Variants in TIA1 observed in about 807,000 individuals in gnomAD.
The protein encoded by TIA1 is cytotoxic granule associated RNA binding protein TIA1.
In TIA1, 23 loss-of-function variants were observed where a neutral mutation model predicts 65.9. The ratio of observed to expected loss-of-function variants is 0.35; its 90% CI spans 0.25 to 0.49. The LOEUF (loss-of-function observed/expected upper bound fraction) is 0.49, where lower values mean the gene tolerates loss of function less well. Ranked by LOEUF, TIA1 falls within the 20% of genes least tolerant of loss-of-function variation. The pLI is 0.98. For missense variants in TIA1, 371 were observed against 477.9 expected (o/e 0.78, Z 2.09); for synonymous variants, 147 against 149.4 (o/e 0.98, Z 0.12).
At chr2:70,237,376 G>A (rs879533285) in intron 1 of TIA1, among the ~76,000 whole-genome samples, 2 of 152,062 alleles carry the variant, frequency 1.3e-5, no homozygotes, top group Non-Finnish European at 2.9e-5. Context: ...ACTCCAGCCT[G>A]GGCAACAGAG....
At chr2:70,248,757 C>G (rs534194327), upstream of TIA1, 3 of 400,550 alleles carry the variant, frequency 7.5e-6, no homozygotes, top group East Asian at 1.2e-4. Flanking sequence ...CGCAGCCGCT[C>G]TTCCACCCGA....
rs1043835539 is a variant in TIA1 at position 70,210,122 on chromosome 2, C to T, written c.*2597G>A. Reference sequence around the variant, plus strand: ...CTGGAATAAGATTAAAAAAAAAATACCTGAGTGAATATAACAATATGGATA... The same window carrying T: ...CTGGAATAAGATTAAAAAAAAAATATCTGAGTGAATATAACAATATGGATA... On this transcript the variant is annotated 3_prime_UTR_variant, in exon 13 of 13. Coordinates refer to ENST00000433529, the MANE Select transcript of TIA1 (RefSeq NM_022173.4). 6.1e-6 allele frequency: 1 copy of T among 164,656 alleles called. No individual in the cohort carries two copies. The highest frequency in any genetic ancestry group is 1.3e-5 in the Non-Finnish European group (1 of 77,012). The allele number at this position is 164,656 out of a possible 1,614,324, so 10.2% of individuals were successfully genotyped here.
At chr2:70,234,220 CCTT>C (rs1454259381) in intron 2 of TIA1, among the ~76,000 whole-genome samples, 1 of 152,164 alleles carries the variant, frequency 6.6e-6, no homozygotes, top group Non-Finnish European at 1.5e-5. Flanking sequence ...GAAAATAACA[CCTT>C]CTTTATGTTT....
chr2:70,242,512 A>AG (rs2104720939), intron 1 of TIA1, among the ~76,000 whole-genome samples: 1 of 151,092 alleles, frequency 6.6e-6, no homozygotes, highest in East Asian at 1.9e-4. Context: ...AAAAAAAAAA[A>AG]AAAAAAAAAG....
chr2:70,240,877 C>G (rs1453828213), intron 1 of TIA1, among the ~76,000 whole-genome samples: 1 of 151,178 alleles, frequency 6.6e-6, no homozygotes, highest in Non-Finnish European at 1.5e-5. Context: ...GCCCTCCCTG[C>G]CCCCCCACCA....
At position 70,209,914 on chromosome 2, in the gene TIA1, AC is replaced by A; in HGVS notation, c.*2804del. On this transcript the variant is annotated 3_prime_UTR_variant, in exon 13 of 13. Coordinates refer to ENST00000433529, the MANE Select transcript of TIA1 (RefSeq NM_022173.4). ...CTCAAATGGAATAGAACTATAACAC[AC>A]AAATAAAAGGAAGATGTACAAGCAC... is the stretch of plus-strand genomic sequence containing the variant. 3 of 392,094 alleles carry A rather than the reference AC, an allele frequency of 7.7e-6. No individual in the cohort carries two copies. Among genetic ancestry groups the A allele is most frequent in the Non-Finnish European group, 1.3e-5 (3 of 222,404 alleles). The allele number at this position is 392,094 out of a possible 1,614,324, so 24.3% of individuals were successfully genotyped here.
intron 2 of TIA1, among the ~76,000 whole-genome samples, chr2:70,235,653 A>G (rs1688584820): frequency 6.6e-6 from 1 of 152,136 alleles, no homozygotes; most frequent in Non-Finnish European, 1.5e-5. Context: ...CTTTAAAAAT[A>G]AAGTTAAAAA....
In TIA1 at chr2:70,209,581, C is replaced by T. The variant is rs1414854376; in HGVS notation, c.*3138G>A. 5.0e-6 allele frequency: 2 copies of T among 398,060 alleles called. No homozygotes were observed. Among genetic ancestry groups the T allele is most frequent in the Admixed American group, 4.4e-5 (1 of 22,692 alleles). The allele number at this position is 398,060 out of a possible 1,614,324, so 24.7% of individuals were successfully genotyped here. ...AATGTAATAACCTCCTATAAAGAAA[C>T]GATTGGGGACTATCATTTTTGTGAT... On this transcript the variant is annotated 3_prime_UTR_variant, in exon 13 of 13. Coordinates refer to ENST00000433529, the MANE Select transcript of TIA1 (RefSeq NM_022173.4).
At chr2:70,247,950 G>A (rs1374468588) in intron 1 of TIA1, among the ~76,000 whole-genome samples, 1 of 151,738 alleles carries the variant, frequency 6.6e-6, no homozygotes, top group Non-Finnish European at 1.5e-5. Flanking sequence ...TTATCACCGA[G>A]AAGAAAATGA....
At chr2:70,220,084 G>T (rs1680576128) in intron 7 of TIA1, among the ~76,000 whole-genome samples, 1 of 151,976 alleles carries the variant, frequency 6.6e-6, no homozygotes, top group Non-Finnish European at 1.5e-5. Context: ...GATTAAGGTG[G>T]GCCCCAAATC....
At chr2:70,227,019 G>GA (rs1684099939) in intron 6 of TIA1, among the ~76,000 whole-genome samples, 1 of 151,956 alleles carries the variant, frequency 6.6e-6, no homozygotes. Context: ...CTTCTAGGTG[G>GA]AAAAATAACA....
At chr2:70,227,964 C>T (rs1459140534) in intron 5 of TIA1, 142 bp from the exon 6 acceptor site, 2 of 436,542 alleles carry the variant, frequency 4.6e-6, no homozygotes, top group Non-Finnish European at 8.1e-6. Context: ...TATATCTATA[C>T]AAATCCTACC....
chr2:70,212,691 C>T lies in TIA1; in HGVS notation c.*28G>A. 6.9e-7 allele frequency: 1 copy of T among 1,446,166 alleles called. No homozygotes were observed. Among genetic ancestry groups the T allele is most frequent in the Non-Finnish European group, 9.7e-7 (1 of 1,026,872 alleles). 89.6% of individuals were successfully genotyped at this position (1,446,166 alleles called of 1,614,324 possible). On this transcript the variant is annotated 3_prime_UTR_variant, in exon 13 of 13. Transcript: ENST00000433529. ...TACTACACTCCCTGTAGCCTCAAGC[C>T]ACTGGCTTTAGATTCTGGAGTCCTT... is the stretch of plus-strand genomic sequence containing the variant.
chr2:70,223,732 G>GA lies in TIA1; in HGVS notation c.474+821dup, dbSNP rs534402201. Among the ~76,000 whole-genome samples the GA allele has an allele frequency of 6.2e-3, 872 of 139,724 alleles. 1 individual carries two copies. Among genetic ancestry groups the GA allele is most frequent in the Non-Finnish European group, 7.0e-3 (450 of 64,306 alleles). The allele number at this position is 139,724 out of a possible 152,430, so 91.7% of individuals were successfully genotyped here. A position where few individuals can be genotyped will look rare whatever the true frequency, so the allele number is the denominator to read the frequency against. ...CTCGGCTGAATTTTCGGAATTCCCG[G>GA]AAAAAAAAAAATTAAAAAAAAAGTA... is the stretch of plus-strand genomic sequence containing the variant. On this transcript the variant is annotated intron_variant, in intron 7 of 12. Transcript: ENST00000433529.
intron 7 of TIA1, 63 bp downstream of exon 7, chr2:70,224,490 TA>T: frequency 6.2e-7 from 1 of 1,601,698 alleles, no homozygotes; most frequent in Non-Finnish European, 8.5e-7. Context: ...GATTAGTAAT[TA>T]AAACGGAGTG....
At position 70,216,985 on chromosome 2, in the gene TIA1, T is replaced by G; in HGVS notation, c.484A>C (p.Asn162His). The change falls in exon 8 of 13, where the codon AAC (asparagine) becomes CAC (histidine). Residue 162 changes from asparagine to histidine, a missense_variant. Asn to His is a moderately conservative substitution (Grantham distance 68, BLOSUM62 1). Coordinates refer to ENST00000433529, the MANE Select transcript of TIA1 (RefSeq NM_022173.4). ...VSFFNKWDAE[N>H]AIQQMGGQWL... The stretch of plus-strand genomic sequence containing the variant: ...TGGCCACCCATCTGTTGAATGGCGT[T>G]TTCAGCATCCTGTTCCGTACAACAT... 1 of 1,613,326 alleles carries G rather than the reference T, an allele frequency of 6.2e-7. No homozygotes were observed. Among genetic ancestry groups the G allele is most frequent in the Non-Finnish European group, 8.5e-7 (1 of 1,179,710 alleles).
chr2:70,216,863 C>G, intron 8 of TIA1, 23 bp downstream of exon 8: 1 of 1,613,930 alleles, frequency 6.2e-7, no homozygotes, highest in Non-Finnish European at 8.5e-7. Context: ...TCCACATTTC[C>G]TTTTCTTCTC....
chr2:70,210,074 T>C lies in TIA1; in HGVS notation c.*2645A>G, dbSNP rs1174857694. ...GCCAATTCCATTTGGTGTTAAACAGTAACCCAATATAAACCACTGATTCTG... is the reference window on the plus strand; with the variant it reads ...GCCAATTCCATTTGGTGTTAAACAGCAACCCAATATAAACCACTGATTCTG... On this transcript the variant is annotated 3_prime_UTR_variant, in exon 13 of 13. Coordinates refer to ENST00000433529, the MANE Select transcript of TIA1 (RefSeq NM_022173.4). 4 of 205,002 alleles carry C rather than the reference T, an allele frequency of 2.0e-5. No homozygotes were observed. Among genetic ancestry groups the C allele is most frequent in the African/African-American group, 9.1e-5 (4 of 43,764 alleles). 12.7% of individuals were successfully genotyped at this position (205,002 alleles called of 1,614,324 possible). A position where few individuals can be genotyped will look rare whatever the true frequency, so the allele number is the denominator to read the frequency against.
chr2:70,216,335 T>C (rs1334554513), intron 9 of TIA1, 43 bp from the exon 10 acceptor site: 6 of 1,581,386 alleles, frequency 3.8e-6, no homozygotes, highest in African/African-American at 1.4e-5. Flanking sequence ...CACTAAGTTA[T>C]ATAAAAATCC....
Sources: allele counts gnomAD v4.1 joint callset (sites outside exome capture counted in the v4.1 genomes callset), GRCh38; gene constraint gnomAD v4.1.1; transcripts MANE v1.5; gene names NCBI Gene and HGNC (gene_info 2026-07-23, HGNC 2026-07-21).